The following KIF7 variants were observed in gnomAD, a reference collection of about 807,000 sequenced individuals.
KIF7 encodes kinesin family member 7.
KIF7 carries 104 observed loss-of-function variants against 135.7 expected under a neutral mutation model. That is an observed-to-expected ratio of 0.77 (90% CI 0.65 to 0.90). The LOEUF (loss-of-function observed/expected upper bound fraction) is 0.90. Ranked by LOEUF, KIF7 falls within the 40% of genes least tolerant of loss-of-function variation. The pLI, the probability that KIF7 is intolerant of heterozygous loss-of-function variation, is 0.00. For missense variants in KIF7, 2,005 were observed against 1,839.1 expected (o/e 1.09, Z -1.65); for synonymous variants, 883 against 809.4 (o/e 1.09, Z -1.54).
downstream of KIF7, chr15:89,624,478 G>C (rs777742570): frequency 1.5e-5 from 24 of 1,614,102 alleles, no homozygotes; most frequent in Non-Finnish European, 1.9e-5. Flanking sequence ...AAAGACCTCT[G>C]ATCCCAGAAG....
chr15:89,625,638 C>T (rs776950177), downstream of KIF7: 15 of 1,613,466 alleles, frequency 9.3e-6, no homozygotes, highest in Admixed American at 2.5e-4. Context: ...GGAAGAGAGT[C>T]CTGTTGGCCA....
At chr15:89,620,302 A>G (rs1963403786) in intron 1 of KIF7, among the ~76,000 whole-genome samples, 1 of 151,978 alleles carries the variant, frequency 6.6e-6, no homozygotes, top group Non-Finnish European at 1.5e-5. Context: ...TCAACCTCCC[A>G]GGCTCAGGTG....
At chr15:89,631,740 AG>A in intron 14 of KIF7, 30 bp from the exon 15 acceptor site, 1 of 1,535,914 alleles carries the variant, frequency 6.5e-7, no homozygotes, top group Non-Finnish European at 8.8e-7. Context: ...GGATTAGAGA[AG>A]GAACAGGCAC....
At position 89,639,045 on chromosome 15, in the gene KIF7, A is replaced by C. The variant is rs868632290; in HGVS notation, c.2394+3158T>G. On this transcript the variant is annotated intron_variant, in intron 11 of 18. Transcript: ENST00000394412. ...ACCTGAGAAAAGCAATGGGGAAAGG[A>C]TTCCCTATTTAATAAATGGTGCTGG... 6.7e-4 allele frequency among the ~76,000 whole-genome samples: 102 copies of C among 152,254 alleles called. 3 individuals are homozygous for C. The South Asian group carries it at 0.02, about 30-fold the overall frequency.
At position 89,628,498 on chromosome 15, in the gene KIF7, A is replaced by G. The variant is rs768990207; in HGVS notation, c.3953T>C (p.Phe1318Ser). ...CCGCCGGGGCTTGGACAAAGGCCCAAAGTTCCAGGGCAGGCCTGCCTCACC... is the reference window on the plus strand; with the variant it reads ...CCGCCGGGGCTTGGACAAAGGCCCAGAGTTCCAGGGCAGGCCTGCCTCACC... ...PVGEAGLPWN[F>S]GPLSKPRREL... Residue 1318 changes from phenylalanine (F) to serine (S), a missense_variant, in exon 19 of 19, where the codon TTT becomes TCT. Coordinates refer to ENST00000394412, the MANE Select transcript of KIF7 (RefSeq NM_198525.3). 5.0e-6 allele frequency: 8 copies of G among 1,612,560 alleles called. No individual in the cohort carries two copies. The African/African-American group carries it at 9.3e-5, about 19-fold the overall frequency.
rs113548235 is a variant in KIF7 at position 89,638,695 on chromosome 15, A to G, written c.2394+3508T>C. 4.6e-5 allele frequency among the ~76,000 whole-genome samples: 7 copies of G among 151,244 alleles called. No individual in the cohort carries two copies. In the South Asian group the frequency reaches 1.3e-3, roughly 27 times the overall value. On this transcript the variant is annotated intron_variant, in intron 11 of 18. Coordinates refer to ENST00000394412, the MANE Select transcript of KIF7 (RefSeq NM_198525.3). ...CCATGCTCATGGGTAGGAAGAATCA[A>G]TATCATGAAAATGGCCATACTGCCC... is the stretch of plus-strand genomic sequence containing the variant.
Position 89,628,660 on chromosome 15 carries a change from T to C in KIF7, c.3791A>G (p.Glu1264Gly). ...CGGAGCGTGGACCAAGTCCCGCGTC[T>C]CCTCCCGGGTGCGGGGGGCCCCCTC... ...LTEGAPRTREETRDLVHAPLP... is the reference protein window; with the variant it reads ...LTEGAPRTREGTRDLVHAPLP... Residue 1264 changes from glutamate to glycine, a missense_variant, in exon 19 of 19, where the codon GAG becomes GGG. Coordinates refer to ENST00000394412, the MANE Select transcript of KIF7 (RefSeq NM_198525.3). The C allele has an allele frequency of 6.2e-7, 1 of 1,613,078 alleles. No homozygotes were observed. Among genetic ancestry groups the C allele is most frequent in the Non-Finnish European group, 8.5e-7 (1 of 1,179,928 alleles).
chr15:89,627,443 C>T (rs942506495), downstream of KIF7: 1 of 249,656 alleles, frequency 4.0e-6, no homozygotes, highest in African/African-American at 2.2e-5. Context: ...GGCGCCCTCC[C>T]TGGGGTCCCT....
rs1164414335 is a variant in KIF7, at chr15:89,649,232, G to T, written c.665C>A (p.Thr222Asn). 6.5e-7 allele frequency: 1 copy of T among 1,544,840 alleles called. No homozygotes were observed. Among genetic ancestry groups the T allele is most frequent in the South Asian group, 1.2e-5 (1 of 83,854 alleles). ...HLSSRSHTVF[T>N]VTLEQRGRAP... Reference sequence around the variant, plus strand: ...GCGCCCCCGCTGCTCCAGGGTCACGGTGAAGACCGTGTGTGAGCGGCTAGA... The same window carrying T: ...GCGCCCCCGCTGCTCCAGGGTCACGTTGAAGACCGTGTGTGAGCGGCTAGA... The change falls in exon 4 of 19, where the codon ACC (threonine) becomes AAC (asparagine). Residue 222 changes from threonine to asparagine, a missense_variant. Thr to Asn is a moderately conservative substitution (Grantham distance 65). Transcript: ENST00000394412.
chr15:89,625,420 G>A (rs549454379), downstream of KIF7: 113 of 1,613,990 alleles, frequency 7.0e-5, no homozygotes, highest in Non-Finnish European at 8.7e-5. Context: ...CGGGAGGGGC[G>A]AGGTCGGTGC....
the KIF7 span, among the ~76,000 whole-genome samples, chr15:89,661,064 G>C: frequency 6.6e-6 from 1 of 152,100 alleles, no homozygotes; most frequent in Non-Finnish European, 1.5e-5. Flanking sequence ...AATGCATGTT[G>C]TTGTAAGCCA....
intron 1 of KIF7, chr15:89,618,199 A>T: frequency 6.2e-7 from 1 of 1,613,922 alleles, no homozygotes; most frequent in Admixed American, 1.7e-5. Flanking sequence ...GAGTCCCCTG[A>T]AAAAGGAGAT....
rs746652178 is a variant in KIF7 at position 89,630,357 on chromosome 15, T to G, written c.3248A>C (p.Asn1083Thr). ...SASLLSQCEMNLMAKLSYLSS... is the reference protein window; with the variant it reads ...SASLLSQCEMTLMAKLSYLSS... ...GAGGTAGCTGAGCTTGGCCATGAGG[T>G]TCATCTCGCACTGGGACAGCAACGA... The change falls in exon 16 of 19, where the codon AAC (asparagine) becomes ACC (threonine). Residue 1083 changes from asparagine (N) to threonine (T), a missense_variant. Transcript: ENST00000394412. 6 of 1,614,104 alleles carry G rather than the reference T, an allele frequency of 3.7e-6. No individual in the cohort carries two copies. The Admixed American group carries it at 8.3e-5, about 22-fold the overall frequency.
upstream of KIF7, among the ~76,000 whole-genome samples, chr15:89,658,476 C>G (rs913963765): frequency 6.7e-6 from 1 of 150,260 alleles, no homozygotes; most frequent in Non-Finnish European, 1.5e-5. Flanking sequence ...GAAAACACAA[C>G]TAAAAATTCA....
At chr15:89,659,459 GAAAGA>G (rs1270347471), upstream of KIF7, among the ~76,000 whole-genome samples, 1 of 137,500 alleles carries the variant, frequency 7.3e-6, no homozygotes, top group African/African-American at 2.7e-5. Context: ...GAGAGAGAAA[GAAAGA>G]AAAAAGAAAG....
At chr15:89,630,168 T>C (rs544509331) in intron 16 of KIF7, 119 bp downstream of exon 16, 1 of 940,840 alleles carries the variant, frequency 1.1e-6, no homozygotes, top group Non-Finnish European at 1.7e-6. Context: ...GATGAGTTGG[T>C]CCTGATTCTG....
chr15:89,625,553 A>T (rs1219933301), downstream of KIF7: 18 of 1,613,166 alleles, frequency 1.1e-5, no homozygotes, highest in Non-Finnish European at 1.4e-5. Context: ...CAGCTCCCAG[A>T]CCAGTCGCCT....
upstream of KIF7, among the ~76,000 whole-genome samples, chr15:89,659,597 A>G (rs1964239025): frequency 6.6e-6 from 1 of 152,240 alleles, no homozygotes; most frequent in South Asian, 2.1e-4. Context: ...AAATGCAAAT[A>G]TTAAATAAAC....
At chr15:89,642,180 C>T in intron 11 of KIF7, 23 bp downstream of exon 11, 1 of 1,607,582 alleles carries the variant, frequency 6.2e-7, no homozygotes, top group Non-Finnish European at 8.5e-7. Flanking sequence ...CCCAGCACCC[C>T]ACCCTGAGGC....
Sources: gnomAD v4.1 joint callset for allele counts (sites outside exome capture counted in the v4.1 genomes callset) on GRCh38, gnomAD v4.1.1 for gene constraint, MANE v1.5 for transcripts, NCBI Gene and HGNC (gene_info 2026-07-23, HGNC 2026-07-21) for gene names.